The following ABCG2 variants were observed in gnomAD, a reference collection of about 807,000 sequenced individuals.
The protein encoded by ABCG2 is broad substrate specificity ATP-binding cassette transporter ABCG2.
In ABCG2, 80 loss-of-function variants were observed where a neutral mutation model predicts 73.5. The observed-to-expected ratio is 1.09, with a 90% CI of 0.91 to 1.31. The LOEUF is 1.31. Among genes scored for constraint, ABCG2 ranks in the 50% most tolerant of loss-of-function variants. ABCG2 has a pLI of 0.00. For missense variants in ABCG2, 796 were observed against 786.2 expected (o/e 1.01, Z -0.15); for synonymous variants, 269 against 282.4 (o/e 0.95, Z 0.48).
intron 2 of ABCG2, among the ~76,000 whole-genome samples, chr4:88,139,026 A>T (rs1725433403): frequency 6.6e-6 from 1 of 151,786 alleles, no homozygotes; most frequent in Non-Finnish European, 1.5e-5. Context: ...CTGTAATCCC[A>T]GCTACTCGGG....
At chr4:88,193,479 C>T (rs1258401286) in intron 1 of ABCG2, among the ~76,000 whole-genome samples, 1 of 151,944 alleles carries the variant, frequency 6.6e-6, no homozygotes, top group Non-Finnish European at 1.5e-5. Context: ...ATTTTAGCAC[C>T]TAAAGTACTT....
intron 10 of ABCG2, 55 bp from the exon 11 acceptor site, chr4:88,101,374 A>AT (rs759812511): frequency 1.4e-6 from 2 of 1,465,338 alleles, no homozygotes; most frequent in Non-Finnish European, 1.9e-6. Flanking sequence ...TCTTAGACAG[A>AT]TTTTCTACCC....
chr4:88,189,386 T>G (rs779326859), intron 1 of ABCG2, among the ~76,000 whole-genome samples: 2 of 151,718 alleles, frequency 1.3e-5, no homozygotes, highest in Admixed American at 1.3e-4. Context: ...TGGTGGCACA[T>G]GCTTCTATTC....
rs371044454 is a variant in ABCG2, at chr4:88,149,667, C to T, written c.-20+8719G>A. The stretch of plus-strand genomic sequence containing the variant: ...GGGAGTTCGAGACCAGCCTGACCAA[C>T]ATGGAGAAACCCTGTCTCTACTAAA... On this transcript the variant is annotated intron_variant, in intron 1 of 15. Transcript: ENST00000237612. Among the ~76,000 whole-genome samples the T allele has an allele frequency of 1.8e-3, 278 of 151,872 alleles. 2 individuals carry two copies. The highest frequency in any genetic ancestry group is 6.4e-3 in the African/African-American group (267 of 41,424).
intron 8 of ABCG2, among the ~76,000 whole-genome samples, chr4:88,114,663 C>T (rs1249148753): frequency 6.6e-6 from 1 of 151,684 alleles, no homozygotes; most frequent in Non-Finnish European, 1.5e-5. Flanking sequence ...TTGCTTCCTA[C>T]TATATGCAAA....
At chr4:88,213,045 A>G (rs1729664628) in intron 1 of ABCG2, among the ~76,000 whole-genome samples, 1 of 152,002 alleles carries the variant, frequency 6.6e-6, no homozygotes, top group Non-Finnish European at 1.5e-5. Flanking sequence ...GGGACTACCA[A>G]TGAATGCCAC....
intron 1 of ABCG2, among the ~76,000 whole-genome samples, chr4:88,150,193 T>C (rs1726357802): frequency 6.6e-6 from 1 of 152,114 alleles, no homozygotes. Flanking sequence ...GGCGCATACC[T>C]GTAATTCCTG....
intron 1 of ABCG2, among the ~76,000 whole-genome samples, chr4:88,151,636 G>A (rs1726490969): frequency 6.6e-6 from 1 of 152,008 alleles, no homozygotes; most frequent in Non-Finnish European, 1.5e-5. Flanking sequence ...CTGCTGGGGA[G>A]GCTGAGGCAG....
At chr4:88,096,203 AT>A (rs1371309768) in intron 13 of ABCG2, among the ~76,000 whole-genome samples, 1 of 152,216 alleles carries the variant, frequency 6.6e-6, no homozygotes, top group African/African-American at 2.4e-5. Context: ...CAGTGCTATC[AT>A]TTAAAGCTGC....
chr4:88,193,341 G>A (rs1292207968), intron 1 of ABCG2, among the ~76,000 whole-genome samples: 2 of 151,948 alleles, frequency 1.3e-5, no homozygotes, highest in Non-Finnish European at 2.9e-5. Context: ...AATATTGTAC[G>A]ATCAAAACAA....
intron 1 of ABCG2, among the ~76,000 whole-genome samples, chr4:88,157,665 CTCA>C (rs1325033791): frequency 2.0e-5 from 3 of 150,422 alleles, no homozygotes; most frequent in Non-Finnish European, 4.4e-5. Flanking sequence ...TGAAACCTTT[CTCA>C]TCAAGATCTC....
Position 88,158,565 on chromosome 4 carries a change from C to A in ABCG2, c.-199G>T, listed in dbSNP as rs1382181706. On this transcript the variant is annotated 5_prime_UTR_variant, in exon 1 of 16. Transcript: ENST00000237612. ...CCACCAAGCATGTGCACGGTGCGTTCCTAAATCCTACCCAGTTCCTCCACA... is the reference window on the plus strand; with the variant it reads ...CCACCAAGCATGTGCACGGTGCGTTACTAAATCCTACCCAGTTCCTCCACA... 17 of 456,316 alleles carry A rather than the reference C, an allele frequency of 3.7e-5. No individual in the cohort carries two copies. The highest frequency in any genetic ancestry group is 3.1e-5 in the Non-Finnish European group (7 of 226,984). The allele number at this position is 456,316 out of a possible 1,614,324, so 28.3% of individuals were successfully genotyped here.
intron 1 of ABCG2, among the ~76,000 whole-genome samples, chr4:88,224,666 C>G (rs986851231): frequency 5.9e-4 from 89 of 152,062 alleles, no homozygotes; most frequent in Non-Finnish European, 1.9e-4. Context: ...CAAAAGTGTC[C>G]TCCTTTGATG....
chr4:88,092,352 T>G lies in ABCG2; in HGVS notation c.1850A>C (p.Gln617Pro). The change falls in exon 16 of 16, where the codon CAG becomes CCG. Residue 617 changes from glutamine to proline, a missense_variant. By Grantham distance (76) the Gln-to-Pro change is moderately conservative. Coordinates refer to ENST00000237612, the MANE Select transcript of ABCG2 (RefSeq NM_004827.3). ...GCCCCAGGGTGAGAGATCGATGCCC[T>G]GCTTTACCAAATATTCTTCGCCAGT... ...TCTGEEYLVK[Q>P]GIDLSPWGLW... The G allele has an allele frequency of 6.2e-7, 1 of 1,612,072 alleles. No homozygotes were observed. The highest frequency in any genetic ancestry group is 8.5e-7 in the Non-Finnish European group (1 of 1,179,570).
intron 1 of ABCG2, among the ~76,000 whole-genome samples, chr4:88,153,205 G>A (rs1226281569): frequency 1.1e-5 from 1 of 89,204 alleles, no homozygotes; most frequent in Admixed American, 1.4e-4. Context: ...GAGAAACAGT[G>A]TAAACCGGCA....
Position 88,113,436 on chromosome 4 carries a change from C to T in ABCG2, c.1061G>A (p.Gly354Glu), listed in dbSNP as rs1723282432. Residue 354 changes from glycine (G) to glutamate (E), a missense_variant, in exon 9 of 16, where the codon GGG (glycine) becomes GAG (glutamate). Coordinates refer to ENST00000237612, the MANE Select transcript of ABCG2 (RefSeq NM_004827.3). ...ETKAELHQLS[G>E]GEKKKKITVF... ...TGTGATCTTCTTCTTCTTCTCACCCCCGGAAAGTTGATGTAATTCAGCTTT... is the reference window on the plus strand; with the variant it reads ...TGTGATCTTCTTCTTCTTCTCACCCTCGGAAAGTTGATGTAATTCAGCTTT... 1.2e-6 allele frequency: 2 copies of T among 1,614,036 alleles called. No individual in the cohort carries two copies. The highest frequency in any genetic ancestry group is 2.2e-5 in the South Asian group (2 of 91,072).
intron 8 of ABCG2, 72 bp from the exon 9 acceptor site, chr4:88,113,625 C>G (rs1723302449): frequency 7.7e-6 from 12 of 1,551,922 alleles, no homozygotes; most frequent in South Asian, 7.4e-5. Context: ...TTCTGTGAAC[C>G]CTTTCTTGGA....
At chr4:88,112,953 C>T (rs1723241622) in intron 9 of ABCG2, among the ~76,000 whole-genome samples, 2 of 151,808 alleles carry the variant, frequency 1.3e-5, no homozygotes, top group Admixed American at 1.3e-4. Flanking sequence ...CTACACAAAA[C>T]ACAAAAATTA....
intron 5 of ABCG2, among the ~76,000 whole-genome samples, chr4:88,124,607 GCTAA>G (rs890063721): frequency 2.0e-5 from 3 of 152,260 alleles, no homozygotes; most frequent in Admixed American, 6.5e-5. Context: ...AACAAGAAGA[GCTAA>G]CTATCTAAAA....
Sources: gnomAD v4.1 joint callset for allele counts (sites outside exome capture counted in the v4.1 genomes callset) on GRCh38, gnomAD v4.1.1 for gene constraint, MANE v1.5 for transcripts, NCBI Gene and HGNC (gene_info 2026-07-23, HGNC 2026-07-21) for gene names.